CDK13: variants seen among roughly 807,000 people sequenced by gnomAD.
The protein encoded by CDK13 is cyclin dependent kinase 13.
In CDK13, 40 loss-of-function variants were observed where a neutral mutation model predicts 137.6. The ratio of observed to expected loss-of-function variants is 0.29; its 90% CI spans 0.23 to 0.38. The LOEUF (loss-of-function observed/expected upper bound fraction) is 0.38. Ranked by LOEUF, CDK13 falls within the 10% of genes least tolerant of loss-of-function variation. CDK13 has a pLI of 1.00. For synonymous variants in CDK13, 869 were observed against 760.1 expected, an observed-to-expected ratio of 1.14 and a Z score of -2.36; for missense variants, 1,704 against 1,951.8, an observed-to-expected ratio of 0.87 and a Z score of 2.39.
intron 2 of CDK13, among the ~76,000 whole-genome samples, chr7:39,988,504 A>G (rs1166530641): frequency 2.6e-5 from 4 of 152,112 alleles, no homozygotes; most frequent in Admixed American, 6.6e-5. Flanking sequence ...GAATATTTCA[A>G]TATGATTTTG....
chr7:40,017,431 G>C (rs1266401307), intron 5 of CDK13, among the ~76,000 whole-genome samples: 2 of 152,008 alleles, frequency 1.3e-5, no homozygotes, highest in Non-Finnish European at 2.9e-5. Context: ...AATTTTGTGG[G>C]AATAGGTACT....
At chr7:40,065,594 T>C (rs1786263388) in intron 9 of CDK13, among the ~76,000 whole-genome samples, 1 of 152,190 alleles carries the variant, frequency 6.6e-6, no homozygotes, top group South Asian at 2.1e-4. Context: ...AAGCTTGCTT[T>C]AGAACATCTA....
Position 40,094,866 on chromosome 7 carries a change from C to T in CDK13, c.4425C>T (p.Leu1475=), listed in dbSNP as rs763973066. ...AGGAAAATCCGAGTGGCCCCAGCCT[C>T]ATGCATGGACAGACCTGGACTTCTC... ...NLQENPSGPS[L]MHGQTWTSPA... The change falls in exon 14 of 14, where the codon CTC becomes CTT. Residue 1475 remains leucine (L), a synonymous_variant. Coordinates refer to ENST00000181839, the MANE Select transcript of CDK13 (RefSeq NM_003718.5). 5 of 1,539,300 alleles carry T rather than the reference C, an allele frequency of 3.2e-6. No homozygotes were observed. The highest frequency in any genetic ancestry group is 2.7e-5 in the African/African-American group (2 of 72,750).
At chr7:39,993,600 C>G (rs1369983284) in intron 2 of CDK13, among the ~76,000 whole-genome samples, 2 of 151,996 alleles carry the variant, frequency 1.3e-5, no homozygotes, top group African/African-American at 4.8e-5. Context: ...TAGAATCATA[C>G]CATGGATAAT....
intron 5 of CDK13, among the ~76,000 whole-genome samples, chr7:40,033,484 TG>T (rs1249247537): frequency 6.6e-6 from 1 of 152,158 alleles, no homozygotes; most frequent in African/African-American, 2.4e-5. Context: ...AGATAGTACG[TG>T]GTGTAGAAGG....
chr7:40,015,795 G>A (rs1434825123), intron 5 of CDK13, among the ~76,000 whole-genome samples: 1 of 152,094 alleles, frequency 6.6e-6, no homozygotes, highest in African/African-American at 2.4e-5. Context: ...GTCTCTAATT[G>A]TGAAGAGTTT....
chr7:39,959,670 G>A (rs185184980), intron 1 of CDK13, among the ~76,000 whole-genome samples: 54 of 152,146 alleles, frequency 3.5e-4, no homozygotes, highest in Admixed American at 1.2e-3. Context: ...TCACCGTGTT[G>A]CCAAGGCTGG....
chr7:40,068,757 A>C (rs1786343630), intron 9 of CDK13, among the ~76,000 whole-genome samples: 1 of 151,538 alleles, frequency 6.6e-6, no homozygotes, highest in South Asian at 2.1e-4. Context: ...GGAGATAAAG[A>C]AATGGAAAAG....
chr7:40,089,698 T>TAGAGAG (rs58490010), intron 12 of CDK13, among the ~76,000 whole-genome samples: 200 of 140,572 alleles, frequency 1.4e-3, no homozygotes, highest in Middle Eastern at 7.2e-3. Context: ...TGATATAAAA[T>TAGAGAG]AGAGAGAGAG....
intron 9 of CDK13, among the ~76,000 whole-genome samples, chr7:40,076,827 G>C (rs1324022346): frequency 1.3e-5 from 2 of 152,062 alleles, no homozygotes; most frequent in Admixed American, 6.6e-5. Context: ...TTGTATTTAC[G>C]TATGTTTGGA....
intron 1 of CDK13, chr7:39,952,638 A>G (rs1358375627): frequency 1.3e-5 from 2 of 152,224 alleles, no homozygotes; most frequent in African/African-American, 4.8e-5. Context: ...GGCTGAGTAC[A>G]TTCTTATACT....
At chr7:39,956,873 A>T (rs1190042164) in intron 1 of CDK13, among the ~76,000 whole-genome samples, 1 of 147,632 alleles carries the variant, frequency 6.8e-6, no homozygotes, top group African/African-American at 2.5e-5. Context: ...AGGCAAGAGC[A>T]GCTGTGCATG....
At chr7:40,087,737 C>G (rs953529258) in intron 11 of CDK13, among the ~76,000 whole-genome samples, 3 of 151,836 alleles carry the variant, frequency 2.0e-5, no homozygotes, top group Non-Finnish European at 4.4e-5. Flanking sequence ...TTAGTAGAAA[C>G]GGGGTTTTGC....
intron 1 of CDK13, among the ~76,000 whole-genome samples, chr7:39,971,028 A>G (rs1288420992): frequency 6.6e-6 from 1 of 152,132 alleles, no homozygotes; most frequent in Non-Finnish European, 1.5e-5. Flanking sequence ...GGAATCCTAA[A>G]CTGAAATTTT....
rs1039000928 is a variant in CDK13, at chr7:39,992,672, C to T, written c.1871+4414C>T. Reference sequence around the variant, plus strand: ...TATAATCAATAATCAGTACTCCCCCCCTACCCCCTGCCCCCAGCCCTATGA... The same window carrying T: ...TATAATCAATAATCAGTACTCCCCCTCTACCCCCTGCCCCCAGCCCTATGA... On this transcript the variant is annotated intron_variant, in intron 2 of 13. Transcript: ENST00000181839. Among the ~76,000 whole-genome samples, 17 of 151,784 alleles carry T rather than the reference C, an allele frequency of 1.1e-4. 2 individuals carry two copies. Among genetic ancestry groups the T allele is most frequent in the Admixed American group, 1.1e-3 (17 of 15,224 alleles).
intron 2 of CDK13, among the ~76,000 whole-genome samples, chr7:39,995,554 A>G (rs1784542930): frequency 6.6e-6 from 1 of 152,232 alleles, no homozygotes; most frequent in Non-Finnish European, 1.5e-5. Flanking sequence ...CCTGTCTTCC[A>G]GACTGTAAGC....
intron 11 of CDK13, among the ~76,000 whole-genome samples, chr7:40,082,967 G>A (rs1370229529): frequency 6.6e-6 from 1 of 151,912 alleles, no homozygotes; most frequent in Non-Finnish European, 1.5e-5. Context: ...GCCAGGCGTG[G>A]TGGCACACGC....
At chr7:40,046,418 C>T (rs533341287) in intron 6 of CDK13, among the ~76,000 whole-genome samples, 5 of 152,146 alleles carry the variant, frequency 3.3e-5, no homozygotes, top group South Asian at 2.1e-4. Context: ...TAGAGACGGG[C>T]GGATCACTTG....
intron 5 of CDK13, among the ~76,000 whole-genome samples, chr7:40,028,361 G>A (rs1003814627): frequency 1.3e-5 from 2 of 151,946 alleles, no homozygotes; most frequent in Non-Finnish European, 2.9e-5. Flanking sequence ...TGGGACGACA[G>A]GCACCTGCCA....
Sources: allele counts gnomAD v4.1 joint callset (sites outside exome capture counted in the v4.1 genomes callset), GRCh38; gene constraint gnomAD v4.1.1; transcripts MANE v1.5; gene names NCBI Gene and HGNC (gene_info 2026-07-23, HGNC 2026-07-21).